Variants in EPHB2 observed in about 807,000 individuals in gnomAD.
EPHB2 encodes the protein EPH receptor B2.
A neutral mutation model predicts 96.4 loss-of-function variants in EPHB2; 18 were observed. The observed-to-expected ratio is 0.19, with a 90% CI of 0.13 to 0.28. The LOEUF (loss-of-function observed/expected upper bound fraction) is 0.28. Ranked by LOEUF, EPHB2 falls within the 10% of genes least tolerant of loss-of-function variation. The pLI is 1.00. For missense variants in EPHB2, 989 were observed against 1,355.4 expected (o/e 0.73, Z 4.25); for synonymous variants, 506 against 534.1 (o/e 0.95, Z 0.72).
chr1:22,775,822 C>T (rs1319490599), intron 1 of EPHB2, among the ~76,000 whole-genome samples: 2 of 152,174 alleles, frequency 1.3e-5, no homozygotes, highest in Admixed American at 6.5e-5. Flanking sequence ...GCTGGTGGCC[C>T]TAGTTCCAGC....
At chr1:22,766,178 C>T (rs1644305621) in intron 1 of EPHB2, among the ~76,000 whole-genome samples, 2 of 152,184 alleles carry the variant, frequency 1.3e-5, no homozygotes, top group Non-Finnish European at 2.9e-5. Context: ...CCTCAAATGG[C>T]ACTCAGAGTC....
At chr1:22,736,672 C>T (rs371549379) in intron 1 of EPHB2, among the ~76,000 whole-genome samples, 37 of 152,320 alleles carry the variant, frequency 2.4e-4, no homozygotes, top group Admixed American at 7.2e-4. Flanking sequence ...ATGTTTGCGC[C>T]GCTGACACTC....
intron 3 of EPHB2, among the ~76,000 whole-genome samples, chr1:22,793,702 T>C (rs945299246): frequency 1.3e-5 from 2 of 151,664 alleles, no homozygotes; most frequent in African/African-American, 2.4e-5. Context: ...GACAGGGAGG[T>C]GAAAGGTGCC....
chr1:22,917,401 AC>A lies in EPHB2; in HGVS notation c.*3833del, dbSNP rs1467708903. On this transcript the variant is annotated 3_prime_UTR_variant, in exon 16 of 16. Transcript: ENST00000374630. Reference sequence around the variant, plus strand: ...AGGGCCCCTGTTGTTTGAAGATGGTACCAAAGGCTGGAAGACTCTTGCTAGG... The same window carrying A: ...AGGGCCCCTGTTGTTTGAAGATGGTACAAAGGCTGGAAGACTCTTGCTAGG... 6.6e-6 allele frequency: 1 copy of A among 152,222 alleles called. No homozygotes were observed. Among genetic ancestry groups the A allele is most frequent in the Non-Finnish European group, 1.5e-5 (1 of 68,058 alleles). 9.4% of individuals were successfully genotyped at this position (152,222 alleles called of 1,614,324 possible). A position where few individuals can be genotyped will look rare whatever the true frequency, so the allele number is the denominator to read the frequency against.
chr1:22,841,243 C>G (rs910510581), intron 3 of EPHB2, among the ~76,000 whole-genome samples: 11 of 152,226 alleles, frequency 7.2e-5, no homozygotes, highest in African/African-American at 2.4e-4. Flanking sequence ...TGTGTCTTAT[C>G]TAAGTAGTTG....
In EPHB2 at chr1:22,863,210, T is replaced by C. The variant is rs745650276; in HGVS notation, c.967+18T>C. The C allele has an allele frequency of 1.4e-5, 23 of 1,614,002 alleles. No homozygotes were observed. The highest frequency in any genetic ancestry group is 1.7e-4 in the Middle Eastern group (1 of 5,994). On this transcript the variant is annotated intron_variant, in intron 4 of 15. Transcript: ENST00000374630. Reference sequence around the variant, plus strand: ...CTGCACAAGTAAGTCCTAGGGCCCCTCAAGGGCGATGGCTGGCCGAGTCCC... The same window carrying C: ...CTGCACAAGTAAGTCCTAGGGCCCCCCAAGGGCGATGGCTGGCCGAGTCCC...
intron 3 of EPHB2, among the ~76,000 whole-genome samples, chr1:22,854,472 A>G (rs935038789): frequency 2.0e-5 from 3 of 152,152 alleles, no homozygotes; most frequent in Non-Finnish European, 4.4e-5. Context: ...TGATTGCACC[A>G]CTGCACTGCA....
At chr1:22,792,144 C>G (rs997692637) in intron 3 of EPHB2, among the ~76,000 whole-genome samples, 8 of 152,022 alleles carry the variant, frequency 5.3e-5, no homozygotes, top group African/African-American at 1.9e-4. Context: ...TCAGCTCGAG[C>G]CCTTCTTACA....
chr1:22,781,144 C>A (rs1644524733), intron 1 of EPHB2, among the ~76,000 whole-genome samples: 1 of 151,780 alleles, frequency 6.6e-6, no homozygotes, highest in Non-Finnish European at 1.5e-5. Flanking sequence ...CACGGTGAAA[C>A]CCTGTCTCTA....
intron 3 of EPHB2, among the ~76,000 whole-genome samples, chr1:22,813,394 T>C (rs1570324434): frequency 6.6e-6 from 1 of 151,946 alleles, no homozygotes; most frequent in African/African-American, 2.4e-5. Flanking sequence ...TCAAGAAGAA[T>C]GGGGTGAAGT....
At chr1:22,901,452 G>C (rs1639744443) in intron 9 of EPHB2, among the ~76,000 whole-genome samples, 1 of 152,212 alleles carries the variant, frequency 6.6e-6, no homozygotes, top group Non-Finnish European at 1.5e-5. Context: ...TTCAGACCCA[G>C]AACTCTGTAC....
intron 3 of EPHB2, among the ~76,000 whole-genome samples, chr1:22,809,474 T>C (rs1438329313): frequency 2.0e-5 from 3 of 152,244 alleles, no homozygotes; most frequent in African/African-American, 4.8e-5. Context: ...TCTGATATAT[T>C]AATATACATA....
intron 3 of EPHB2, among the ~76,000 whole-genome samples, chr1:22,855,857 A>C (rs1645690277): frequency 6.6e-6 from 1 of 152,214 alleles, no homozygotes; most frequent in Non-Finnish European, 1.5e-5. Flanking sequence ...TCACACAGTT[A>C]ATGAGAGGCA....
chr1:22,881,742 C>T (rs1451259846), intron 5 of EPHB2, among the ~76,000 whole-genome samples: 2 of 152,118 alleles, frequency 1.3e-5, no homozygotes, highest in African/African-American at 4.8e-5. Flanking sequence ...TACAAGCATG[C>T]ACCACCATGC....
At chr1:22,718,475 TC>T (rs1279083481) in intron 1 of EPHB2, among the ~76,000 whole-genome samples, 2 of 143,606 alleles carry the variant, frequency 1.4e-5, no homozygotes, top group Non-Finnish European at 3.0e-5. Context: ...AACCTCTGCC[TC>T]CCGGGTTCAA....
chr1:22,718,326 G>A (rs1265083819), intron 1 of EPHB2, among the ~76,000 whole-genome samples: 1 of 151,020 alleles, frequency 6.6e-6, no homozygotes, highest in Non-Finnish European at 1.5e-5. Context: ...TCTTTGCCCA[G>A]TGCCTGCCAG....
chr1:22,839,869 T>C (rs1027518982), intron 3 of EPHB2, among the ~76,000 whole-genome samples: 4 of 152,014 alleles, frequency 2.6e-5, no homozygotes, highest in African/African-American at 9.7e-5. Flanking sequence ...GTCAAGCCCC[T>C]ACTGAACTCA....
At chr1:22,773,755 G>A (rs1013151181) in intron 1 of EPHB2, among the ~76,000 whole-genome samples, 9 of 152,108 alleles carry the variant, frequency 5.9e-5, no homozygotes, top group African/African-American at 1.4e-4. Flanking sequence ...ACATTCTGGC[G>A]CCCTGTCCTG....
chr1:22,717,252 A>G (rs1643318629), intron 1 of EPHB2, among the ~76,000 whole-genome samples: 1 of 140,802 alleles, frequency 7.1e-6, no homozygotes, highest in Non-Finnish European at 1.5e-5. Flanking sequence ...GCAGCAGGCC[A>G]GGCAGTTGTT....
Sources: allele counts gnomAD v4.1 joint callset (sites outside exome capture counted in the v4.1 genomes callset), GRCh38; gene constraint gnomAD v4.1.1; transcripts MANE v1.5; gene names NCBI Gene and HGNC (gene_info 2026-07-23, HGNC 2026-07-21).